The following SLC30A9 variants were observed in gnomAD, a reference collection of about 807,000 sequenced individuals.
The protein encoded by SLC30A9 is proton-coupled zinc antiporter SLC30A9, mitochondrial.
In SLC30A9, 58 loss-of-function variants were observed where a neutral mutation model predicts 87.5. The ratio of observed to expected loss-of-function variants is 0.66; its 90% confidence interval spans 0.54 to 0.82. The LOEUF (loss-of-function observed/expected upper bound fraction) is 0.82, where lower values mean the gene tolerates loss of function less well. Among genes scored for constraint, SLC30A9 ranks in the 40% least tolerant of loss-of-function variants. SLC30A9 has a pLI of 0.00. For missense variants in SLC30A9, 557 were observed against 679.1 expected, an observed-to-expected ratio of 0.82 and a Z score of 2.00; for synonymous variants, 234 against 233.0, an observed-to-expected ratio of 1.00 and a Z score of -0.04.
intron 6 of SLC30A9, among the ~76,000 whole-genome samples, chr4:42,030,466 G>A (rs1716377694): frequency 6.6e-6 from 1 of 151,914 alleles, no homozygotes; most frequent in Non-Finnish European, 1.5e-5. Flanking sequence ...AGTACTATAG[G>A]TGCATACTCT....
At chr4:42,075,050 TATATATA>T (rs1718482615) in intron 15 of SLC30A9, among the ~76,000 whole-genome samples, 6 of 21,868 alleles carry the variant, frequency 2.7e-4, no homozygotes, top group Non-Finnish European at 4.1e-4. Flanking sequence ...TATATATATA[TATATATA>T]TATTTTTTTT....
Position 42,066,705 on chromosome 4 carries a change from T to C in SLC30A9, c.1144+84T>C, listed in dbSNP as rs142211130. The C allele has an allele frequency of 2.6e-5, 22 of 851,520 alleles. No individual in the cohort carries two copies. In the East Asian group the frequency reaches 3.5e-4, roughly 14 times the overall value. The allele number at this position is 851,520 out of a possible 1,614,324, so 52.7% of individuals were successfully genotyped here. A position where few individuals can be genotyped will look rare whatever the true frequency, so the allele number is the denominator to read the frequency against. ...AGTACTGTTATTGCTTTGTTCCTAATAGAAATGTACAAAATATATCTGAAT... is the reference window on the plus strand; with the variant it reads ...AGTACTGTTATTGCTTTGTTCCTAACAGAAATGTACAAAATATATCTGAAT... On this transcript the variant is annotated intron_variant, in intron 13 of 17. Transcript: ENST00000264451.
intron 3 of SLC30A9, among the ~76,000 whole-genome samples, 196 bp from the exon 4 acceptor site, chr4:42,020,220 G>T (rs2581420): frequency 0.65 from 98,422 of 152,124 alleles, 36,027 homozygotes; most frequent in East Asian, 0.96. Flanking sequence ...GACATATAGA[G>T]ACAAAAGCTA....
At chr4:42,056,822 C>T (rs577756887) in intron 9 of SLC30A9, among the ~76,000 whole-genome samples, 1 of 152,256 alleles carries the variant, frequency 6.6e-6, no homozygotes, top group South Asian at 2.1e-4. Context: ...AGGGTACAGG[C>T]ATTGGGTAAA....
chr4:42,058,722 GA>G (rs1717728266), intron 9 of SLC30A9, among the ~76,000 whole-genome samples: 1 of 152,152 alleles, frequency 6.6e-6, no homozygotes, highest in South Asian at 2.1e-4. Flanking sequence ...CTTGTGCGGG[GA>G]AACTCCCCTT....
At position 42,026,158 on chromosome 4, in the gene SLC30A9, T is replaced by A. The variant is rs11721454; in HGVS notation, c.610+2774T>A. ...AATCCACAGATATTATAAAGAGGACTGCACTTAAATTAACAGAAGTGAAGT... is the reference window on the plus strand; with the variant it reads ...AATCCACAGATATTATAAAGAGGACAGCACTTAAATTAACAGAAGTGAAGT... On this transcript the variant is annotated intron_variant, in intron 6 of 17. Coordinates refer to ENST00000264451, the MANE Select transcript of SLC30A9 (RefSeq NM_006345.4). Among the ~76,000 whole-genome samples the A allele has an allele frequency of 7.2e-5, 11 of 151,892 alleles. 1 individual carries two copies. In the East Asian group the frequency reaches 1.9e-3, roughly 27 times the overall value.
At chr4:42,004,664 C>CTTTTTTTTTTTTTTTTTTTTT (rs71198699) in intron 2 of SLC30A9, among the ~76,000 whole-genome samples, 4 of 128,310 alleles carry the variant, frequency 3.1e-5, no homozygotes, top group Non-Finnish European at 6.3e-5. Flanking sequence ...TTTTCTTTTT[C>CTTTTTTTTTTTTTTTTTTTTT]TTTTTTTTTT....
chr4:42,081,947 G>T (rs1486503216), intron 17 of SLC30A9, among the ~76,000 whole-genome samples: 2 of 152,186 alleles, frequency 1.3e-5, no homozygotes, highest in African/African-American at 4.8e-5. Context: ...GGCGCGTGCG[G>T]TTGCTCATGC....
intron 8 of SLC30A9, among the ~76,000 whole-genome samples, chr4:42,044,857 C>T (rs758048436): frequency 2.6e-5 from 4 of 152,158 alleles, no homozygotes; most frequent in Non-Finnish European, 4.4e-5. Flanking sequence ...GAAATCAAAA[C>T]AGTCTCTCAG....
In SLC30A9 at chr4:41,990,617, G is replaced by A. The variant is rs1714381514; in HGVS notation, c.-35G>A. 7.4e-7 allele frequency: 1 copy of A among 1,349,396 alleles called. No individual in the cohort carries two copies. The highest frequency in any genetic ancestry group is 1.4e-5 in the African/African-American group (1 of 70,436). The allele number at this position is 1,349,396 out of a possible 1,614,324, so 83.6% of individuals were successfully genotyped here. Reference sequence around the variant, plus strand: ...TACCGGTGGCGGCGCGGAGGCAGAAGGCGGTGTCCGAGTAGGGGCCTCTGC... The same window carrying A: ...TACCGGTGGCGGCGCGGAGGCAGAAAGCGGTGTCCGAGTAGGGGCCTCTGC... On this transcript the variant is annotated 5_prime_UTR_variant, in exon 1 of 18. Transcript: ENST00000264451.
Position 42,001,745 on chromosome 4 carries a change from C to T in SLC30A9, c.239C>T (p.Thr80Ile). 1 of 1,610,028 alleles carries T rather than the reference C, an allele frequency of 6.2e-7. No individual in the cohort carries two copies. Among genetic ancestry groups the T allele is most frequent in the Non-Finnish European group, 8.5e-7 (1 of 1,178,272 alleles). Reference sequence around the variant, plus strand: ...CAGAAAGAAGGACAGGGATCACAAACACTCAGAGTGGAAAAAGTACCATCA... The same window carrying T: ...CAGAAAGAAGGACAGGGATCACAAATACTCAGAGTGGAAAAAGTACCATCA... ...NVQKEGQGSQ[T>I]LRVEKVPSFE... Residue 80 changes from threonine (T) to isoleucine (I), a missense_variant, in exon 2 of 18, where the codon ACA becomes ATA. Physicochemically the swap from Thr to Ile is moderately conservative, Grantham distance 89 (BLOSUM62 -1). Coordinates refer to ENST00000264451, the MANE Select transcript of SLC30A9 (RefSeq NM_006345.4).
chr4:42,063,240 T>C, intron 11 of SLC30A9, 119 bp downstream of exon 11: 2 of 822,642 alleles, frequency 2.4e-6, no homozygotes, highest in Non-Finnish European at 3.8e-6. Flanking sequence ...TGACTGTGTA[T>C]TGTAGGGTTA....
In SLC30A9 at chr4:42,087,806, T is replaced by C. The variant is rs1560565341; in HGVS notation, c.*1680T>C. 1 of 151,914 alleles carries C rather than the reference T, an allele frequency of 6.6e-6. No individual in the cohort carries two copies. The highest frequency in any genetic ancestry group is 2.4e-5 in the African/African-American group (1 of 41,410). 9.4% of individuals were successfully genotyped at this position (151,914 alleles called of 1,614,324 possible). A position where few individuals can be genotyped will look rare whatever the true frequency, so the allele number is the denominator to read the frequency against. ...TATTCTATACTTTTTTCTTCTTCCTTCCCCTTTCCCACTTGCCATTTATTA... is the reference window on the plus strand; with the variant it reads ...TATTCTATACTTTTTTCTTCTTCCTCCCCCTTTCCCACTTGCCATTTATTA... On this transcript the variant is annotated 3_prime_UTR_variant, in exon 18 of 18. Transcript: ENST00000264451.
chr4:42,012,620 T>G (rs532426312), intron 2 of SLC30A9, among the ~76,000 whole-genome samples: 23 of 152,298 alleles, frequency 1.5e-4, no homozygotes, highest in African/African-American at 5.5e-4. Flanking sequence ...TTACATTCTG[T>G]AAGTTATTTT....
At chr4:42,047,501 G>C (rs1717210801) in intron 8 of SLC30A9, among the ~76,000 whole-genome samples, 1 of 152,214 alleles carries the variant, frequency 6.6e-6, no homozygotes, top group Non-Finnish European at 1.5e-5. Context: ...CTGGTCATTA[G>C]AGAAATGCAA....
chr4:42,045,310 A>G (rs1432982419), intron 8 of SLC30A9, among the ~76,000 whole-genome samples: 1 of 152,066 alleles, frequency 6.6e-6, no homozygotes, highest in African/African-American at 2.4e-5. Context: ...TACATAGACC[A>G]CTAGCCAGAC....
chr4:42,082,325 A>G (rs1718772806), intron 17 of SLC30A9, among the ~76,000 whole-genome samples: 1 of 152,250 alleles, frequency 6.6e-6, no homozygotes, highest in Non-Finnish European at 1.5e-5. Context: ...AAGGGAATGC[A>G]TGAATGTAAT....
At position 42,016,795 on chromosome 4, in the gene SLC30A9, GTCTATCTATCTA is replaced by G. The variant is rs34586662; in HGVS notation, c.275-1292_275-1281del. The stretch of plus-strand genomic sequence containing the variant: ...TGAAATGTTGTGTGAATATAACATG[GTCTATCTATCTA>G]TCTATCTATCTATCTATCTATCTGT... On this transcript the variant is annotated intron_variant, in intron 2 of 17. Coordinates refer to ENST00000264451, the MANE Select transcript of SLC30A9 (RefSeq NM_006345.4). Among the ~76,000 whole-genome samples, 1,457 of 151,662 alleles carry G rather than the reference GTCTATCTATCTA, an allele frequency of 9.6e-3. 24 individuals carry two copies. Among genetic ancestry groups the G allele is most frequent in the African/African-American group, 0.033 (1,354 of 41,196 alleles).
chr4:42,037,936 G>C (rs1269237729), intron 7 of SLC30A9, among the ~76,000 whole-genome samples: 3 of 151,954 alleles, frequency 2.0e-5, no homozygotes, highest in Non-Finnish European at 4.4e-5. Context: ...ACAGCCGGCT[G>C]ATTTTTTTGT....
Sources: gnomAD v4.1 joint callset for allele counts (sites outside exome capture counted in the v4.1 genomes callset) on GRCh38, gnomAD v4.1.1 for gene constraint, MANE v1.5 for transcripts, NCBI Gene and HGNC (gene_info 2026-07-23, HGNC 2026-07-21) for gene names.